The following CTNND2 variants were observed in gnomAD, a reference collection of about 807,000 sequenced individuals.
The protein encoded by CTNND2 is catenin delta 2, also known as catenin delta-2.
CTNND2 carries 22 observed loss-of-function variants against 144.4 expected under a neutral mutation model. The ratio of observed to expected loss-of-function variants is 0.15; its 90% CI spans 0.11 to 0.22. CTNND2 has a LOEUF of 0.22. Among genes scored for constraint, CTNND2 ranks in the 10% least tolerant of loss-of-function variants. The pLI is 1.00. For synonymous variants in CTNND2, 751 were observed against 695.6 expected (o/e 1.08, Z -1.25); for missense variants, 1,353 against 1,618.8 (o/e 0.84, Z 2.82).
At chr5:11,305,069 T>C (rs1305181936) in intron 9 of CTNND2, among the ~76,000 whole-genome samples, 1 of 152,220 alleles carries the variant, frequency 6.6e-6, no homozygotes, top group East Asian at 1.9e-4. Flanking sequence ...CAGTCACCAC[T>C]CTCACTGCCT....
intron 15 of CTNND2, among the ~76,000 whole-genome samples, chr5:11,087,476 G>C (rs563454420): frequency 6.6e-6 from 1 of 152,272 alleles, no homozygotes; most frequent in South Asian, 2.1e-4. Context: ...TCCTGCTCTA[G>C]GATTTATGAA....
At chr5:11,496,852 G>C (rs1769998753) in intron 3 of CTNND2, among the ~76,000 whole-genome samples, 1 of 152,124 alleles carries the variant, frequency 6.6e-6, no homozygotes, top group African/African-American at 2.4e-5. Context: ...GATTACACTA[G>C]CCATAAAGCA....
At chr5:11,524,569 T>C (rs186783985) in intron 3 of CTNND2, among the ~76,000 whole-genome samples, 87 of 152,274 alleles carry the variant, frequency 5.7e-4, no homozygotes, top group Admixed American at 2.1e-3. Flanking sequence ...AACAAAGCCC[T>C]GCTCAAAAGA....
chr5:11,641,787 T>C lies in CTNND2; in HGVS notation c.175-76731A>G, dbSNP rs1280977992. Among the ~76,000 whole-genome samples the C allele has an allele frequency of 2.7e-5, 4 of 146,450 alleles. 1 individual carries two copies. Among genetic ancestry groups the C allele is most frequent in the Admixed American group, 6.7e-5 (1 of 14,860 alleles). On this transcript the variant is annotated intron_variant, in intron 2 of 21. Transcript: ENST00000304623. The stretch of plus-strand genomic sequence containing the variant: ...ATATACGTATATGTATGTACATACA[T>C]ACACGTGTACATACACGTGTATGTA...
At chr5:11,195,681 A>C (rs1327276424) in intron 11 of CTNND2, among the ~76,000 whole-genome samples, 1 of 152,216 alleles carries the variant, frequency 6.6e-6, no homozygotes. Context: ...CTATTTACTA[A>C]GTTCTATAGT....
At chr5:11,576,868 G>T (rs758678538) in intron 2 of CTNND2, among the ~76,000 whole-genome samples, 16 of 152,142 alleles carry the variant, frequency 1.1e-4, no homozygotes, top group Non-Finnish European at 1.8e-4. Context: ...ATAGTTTCCA[G>T]TCTCTTCGGT....
At chr5:11,645,654 C>T (rs914586850) in intron 2 of CTNND2, among the ~76,000 whole-genome samples, 1 of 152,160 alleles carries the variant, frequency 6.6e-6, no homozygotes, top group East Asian at 1.9e-4. Flanking sequence ...ATTAATAGCA[C>T]TTCCAGATAC....
intron 3 of CTNND2, among the ~76,000 whole-genome samples, chr5:11,459,577 G>A (rs1431040917): frequency 6.6e-6 from 1 of 152,164 alleles, no homozygotes; most frequent in Non-Finnish European, 1.5e-5. Flanking sequence ...AAGTACGTCT[G>A]TTCTAAGAAT....
At chr5:11,147,563 A>T (rs1291442879) in intron 12 of CTNND2, among the ~76,000 whole-genome samples, 2 of 152,138 alleles carry the variant, frequency 1.3e-5, no homozygotes, top group African/African-American at 2.4e-5. Flanking sequence ...CAGTTCTGAG[A>T]TGCTTAAAAT....
At chr5:11,805,804 A>G (rs1791961615) in intron 1 of CTNND2, among the ~76,000 whole-genome samples, 1 of 152,186 alleles carries the variant, frequency 6.6e-6, no homozygotes, top group Admixed American at 6.5e-5. Context: ...ATATTACTCC[A>G]TACTCAAGTG....
At chr5:11,670,346 G>A (rs901026466) in intron 2 of CTNND2, among the ~76,000 whole-genome samples, 9 of 152,000 alleles carry the variant, frequency 5.9e-5, no homozygotes, top group African/African-American at 1.7e-4. Flanking sequence ...ACTGACAGTC[G>A]GCTGTTAAAG....
chr5:11,591,339 T>C (rs542761671), intron 2 of CTNND2, among the ~76,000 whole-genome samples: 24 of 152,324 alleles, frequency 1.6e-4, no homozygotes, highest in Admixed American at 6.5e-4. Context: ...AAAAGCCAGA[T>C]TGATATATCC....
intron 1 of CTNND2, among the ~76,000 whole-genome samples, chr5:11,777,207 C>T (rs1447709235): frequency 6.6e-6 from 1 of 152,122 alleles, no homozygotes; most frequent in African/African-American, 2.4e-5. Flanking sequence ...CATCTCTTGG[C>T]ATGTAAATTT....
At chr5:11,623,755 G>T (rs1050117515) in intron 2 of CTNND2, among the ~76,000 whole-genome samples, 1 of 140,112 alleles carries the variant, frequency 7.1e-6, no homozygotes, top group African/African-American at 2.8e-5. Context: ...CAATGGTAAA[G>T]GGTTCAATTC....
chr5:11,414,497 G>A (rs185718837), intron 3 of CTNND2, among the ~76,000 whole-genome samples: 43 of 152,298 alleles, frequency 2.8e-4, no homozygotes, highest in Non-Finnish European at 6.0e-4. Flanking sequence ...CTTCTTTATA[G>A]ATGGGGAATA....
intron 1 of CTNND2, among the ~76,000 whole-genome samples, chr5:11,872,304 T>G (rs904317923): frequency 1.1e-4 from 17 of 152,212 alleles, no homozygotes; most frequent in Non-Finnish European, 2.9e-5. Context: ...TTGGGTTGGT[T>G]CCAAGTCTTT....
chr5:11,658,683 C>A (rs1783035113), intron 2 of CTNND2, among the ~76,000 whole-genome samples: 1 of 152,152 alleles, frequency 6.6e-6, no homozygotes, highest in African/African-American at 2.4e-5. Flanking sequence ...ACGCACTCAG[C>A]TTGTAAGCTT....
intron 18 of CTNND2, among the ~76,000 whole-genome samples, chr5:11,014,580 C>T (rs1741414582): frequency 6.6e-6 from 1 of 152,150 alleles, no homozygotes; most frequent in Admixed American, 6.5e-5. Context: ...CCAAGCTTCA[C>T]AAAAGTCAAA....
chr5:11,565,030 T>C lies in CTNND2; in HGVS notation c.201A>G (p.Arg67=), dbSNP rs894341499. ...EQELQFERLT[R]ELEAERQIVA... is the part of the protein sequence containing the mutation. Reference sequence around the variant, plus strand: ...CGATCTGCCGTTCAGCCTCCAGCTCTCGGGTCAGCCTTTCAAACTGTAATT... The same window carrying C: ...CGATCTGCCGTTCAGCCTCCAGCTCCCGGGTCAGCCTTTCAAACTGTAATT... Residue 67 remains arginine (R), a synonymous_variant, in exon 3 of 22, where the codon CGA becomes CGG. Transcript: ENST00000304623. 2 of 1,613,910 alleles carry C rather than the reference T, an allele frequency of 1.2e-6. No individual in the cohort carries two copies. The highest frequency in any genetic ancestry group is 2.7e-5 in the African/African-American group (2 of 74,946).
Sources: gnomAD v4.1 joint callset for allele counts (sites outside exome capture counted in the v4.1 genomes callset) on GRCh38, gnomAD v4.1.1 for gene constraint, MANE v1.5 for transcripts, NCBI Gene and HGNC (gene_info 2026-07-23, HGNC 2026-07-21) for gene names.